The following MAP3K4 variants were observed in gnomAD, a reference collection of about 807,000 sequenced individuals.
MAP3K4 encodes the protein mitogen-activated protein kinase kinase kinase 4, also known as MAP three kinase 1.
In MAP3K4, 67 loss-of-function variants were observed where a neutral mutation model predicts 185.6. The ratio of observed to expected loss-of-function variants is 0.36; its 90% CI spans 0.30 to 0.44. The LOEUF (loss-of-function observed/expected upper bound fraction) is 0.44. Ranked by LOEUF, MAP3K4 falls within the 20% of genes least tolerant of loss-of-function variation. MAP3K4 has a pLI of 1.00. For synonymous variants in MAP3K4, 702 were observed against 710.4 expected, an observed-to-expected ratio of 0.99 and a Z score of 0.19; for missense variants, 1,551 against 1,995.1, an observed-to-expected ratio of 0.78 and a Z score of 4.24.
At chr6:161,020,495 T>G (rs931378088) in intron 1 of MAP3K4, among the ~76,000 whole-genome samples, 1 of 151,970 alleles carries the variant, frequency 6.6e-6, no homozygotes, top group African/African-American at 2.4e-5. Context: ...CCGTTTCTAC[T>G]AAAAATACAA....
intron 1 of MAP3K4, among the ~76,000 whole-genome samples, chr6:161,003,785 A>C (rs780932701): frequency 4.6e-5 from 7 of 152,198 alleles, no homozygotes; most frequent in Non-Finnish European, 7.3e-5. Context: ...ATTAATAAGG[A>C]TATTTGGTTG....
Position 161,109,083 on chromosome 6 carries a change from A to G in MAP3K4, c.4236+224A>G. 7.7e-7 allele frequency: 1 copy of G among 1,303,592 alleles called. No individual in the cohort carries two copies. Among genetic ancestry groups the G allele is most frequent in the Non-Finnish European group, 1.1e-6 (1 of 940,102 alleles). 80.8% of individuals were successfully genotyped at this position (1,303,592 alleles called of 1,614,324 possible). The stretch of plus-strand genomic sequence containing the variant: ...AGTCATTAACCCGACATCATAAAGC[A>G]CTGAAACCCATCCTGCCATTCAGAA... On this transcript the variant is annotated intron_variant, in intron 22 of 26. Transcript: ENST00000392142. The surrounding 1 kb of genome is among the most constrained non-coding windows in gnomAD (Gnocchi z 5.7).
intron 3 of MAP3K4, among the ~76,000 whole-genome samples, chr6:161,065,395 T>C (rs1468036499): frequency 2.6e-5 from 4 of 152,226 alleles, no homozygotes; most frequent in East Asian, 3.9e-4. Context: ...ATAACAGATA[T>C]GTGTTCCTGC....
intron 1 of MAP3K4, among the ~76,000 whole-genome samples, chr6:161,024,129 G>C (rs900899316): frequency 6.6e-6 from 1 of 151,974 alleles, no homozygotes; most frequent in African/African-American, 2.4e-5. Context: ...ACCAAACCTG[G>C]CTAATTCTTT....
rs888096819 is a variant in MAP3K4, at chr6:161,080,794, AC to A, written c.2098-84del. On this transcript the variant is annotated intron_variant, in intron 5 of 26. Coordinates refer to ENST00000392142, the MANE Select transcript of MAP3K4 (RefSeq NM_005922.4). The surrounding 1 kb of genome is among the most constrained non-coding windows in gnomAD (Gnocchi z 4.8). The stretch of plus-strand genomic sequence containing the variant: ...ACAGCCCCCGGCCCGCCCCCACTTT[AC>A]CCTGCTGATGTGTAGCTTTCAGGTG... 1 of 1,251,628 alleles carries A rather than the reference AC, an allele frequency of 8.0e-7. No homozygotes were observed. Among genetic ancestry groups the A allele is most frequent in the African/African-American group, 1.5e-5 (1 of 66,620 alleles). The allele number at this position is 1,251,628 out of a possible 1,614,324, so 77.5% of individuals were successfully genotyped here.
chr6:161,018,085 T>G (rs1350596767), intron 1 of MAP3K4, among the ~76,000 whole-genome samples: 2 of 152,170 alleles, frequency 1.3e-5, no homozygotes, highest in Non-Finnish European at 1.5e-5. Context: ...TACCCTGGCT[T>G]TTGCCTGGAA....
At position 161,037,085 on chromosome 6, in the gene MAP3K4, A is replaced by G. The variant is rs1402218351; in HGVS notation, c.343+2636A>G. The stretch of plus-strand genomic sequence containing the variant: ...TCACATGTATGCCAGCTGGTGAACT[A>G]TTTCTTGCGGACATTCTTGTTTATG... On this transcript the variant is annotated intron_variant, in intron 2 of 26. Transcript: ENST00000392142. The surrounding 1 kb of genome is among the most constrained non-coding windows in gnomAD (Gnocchi z 4.2). 4.6e-5 allele frequency among the ~76,000 whole-genome samples: 7 copies of G among 152,136 alleles called. No homozygotes were observed. Among genetic ancestry groups the G allele is most frequent in the Non-Finnish European group, 8.8e-5 (6 of 68,028 alleles).
rs760273396 is a variant in MAP3K4, at chr6:160,992,002, AGCCGCCGCCACC to A, written c.81_92del (p.Pro33_Pro36del). 24 of 1,537,274 alleles carry A rather than the reference AGCCGCCGCCACC, an allele frequency of 1.6e-5. No individual in the cohort carries two copies. Among genetic ancestry groups the A allele is most frequent in the South Asian group, 1.1e-4 (9 of 84,192 alleles). On this transcript the variant is annotated inframe_deletion, in exon 1 of 27. Coordinates refer to ENST00000392142, the MANE Select transcript of MAP3K4 (RefSeq NM_005922.4). ...GTCACGCCTGCCGCCGCCATGGAGGAGCCGCCGCCACCGCCGCCGCCGCCACCACCGCCACCG... is the reference window on the plus strand; with the variant it reads ...GTCACGCCTGCCGCCGCCATGGAGGAGCCGCCGCCGCCACCACCGCCACCG...
At chr6:160,993,217 AG>A (rs1285414471) in intron 1 of MAP3K4, among the ~76,000 whole-genome samples, 1 of 152,204 alleles carries the variant, frequency 6.6e-6, no homozygotes, top group Non-Finnish European at 1.5e-5. Flanking sequence ...GGTACTTCTA[AG>A]GAACAACTTC....
intron 2 of MAP3K4, among the ~76,000 whole-genome samples, chr6:161,035,287 A>G (rs1783113984): frequency 6.6e-6 from 1 of 152,008 alleles, no homozygotes; most frequent in Admixed American, 6.5e-5. Flanking sequence ...TGTCTGAGAA[A>G]TTTCTTCCTG....
chr6:161,090,060 C>G (rs970496014), intron 11 of MAP3K4, among the ~76,000 whole-genome samples: 1 of 152,162 alleles, frequency 6.6e-6, no homozygotes, highest in African/African-American at 2.4e-5. Context: ...TCAGTTATGT[C>G]TTCTCACTCA....
intron 1 of MAP3K4, among the ~76,000 whole-genome samples, chr6:161,009,866 G>A (rs1034664071): frequency 1.3e-5 from 2 of 152,090 alleles, no homozygotes; most frequent in African/African-American, 4.8e-5. Flanking sequence ...CCTGTCGGGG[G>A]AAGGAGGTGG....
chr6:161,049,690 A>C lies in MAP3K4; in HGVS notation c.1418A>C (p.Glu473Ala), dbSNP rs1583166748. ...EEQISDPRVP[E>A]IRQPIDNSFD... ...CAAATCTCTGATCCTAGGGTACCGG[A>C]AATCAGACAGCCCATAGATAACAGC... Residue 473 changes from glutamate (E) to alanine (A), a missense_variant, in exon 3 of 27, where the codon GAA (glutamate) becomes GCA (alanine). Glu to Ala is a moderately radical substitution (Grantham distance 107). Transcript: ENST00000392142. The surrounding 1 kb of genome is among the most constrained non-coding windows in gnomAD (Gnocchi z 8.4). 6.2e-6 allele frequency: 10 copies of C among 1,614,164 alleles called. No homozygotes were observed. The highest frequency in any genetic ancestry group is 3.3e-5 in the South Asian group (3 of 91,080).
Position 161,086,165 on chromosome 6 carries a change from T to G in MAP3K4, c.2373-214T>G, listed in dbSNP as rs1300197185. On this transcript the variant is annotated intron_variant, in intron 7 of 26. Coordinates refer to ENST00000392142, the MANE Select transcript of MAP3K4 (RefSeq NM_005922.4). The surrounding 1 kb of genome is among the most constrained non-coding windows in gnomAD (Gnocchi z 4.8). ...GTTATTAAATGTGCCCTGCTTACAT[T>G]GAAAGGATATGAATATTTTCTACAA... Among the ~76,000 whole-genome samples the G allele has an allele frequency of 6.6e-6, 1 of 152,220 alleles. No individual in the cohort carries two copies. The highest frequency in any genetic ancestry group is 2.4e-5 in the African/African-American group (1 of 41,456).
At position 161,048,611 on chromosome 6, in the gene MAP3K4, A is replaced by G; in HGVS notation, c.344-5A>G. The G allele has an allele frequency of 6.5e-7, 1 of 1,534,254 alleles. No homozygotes were observed. Among genetic ancestry groups the G allele is most frequent in the Middle Eastern group, 1.8e-4 (1 of 5,640 alleles). Reference sequence around the variant, plus strand: ...TAATGTTCTGTTTATTTTTTTTTTTAATAGAAAAAATGAATGCACCAAATC... The same window carrying G: ...TAATGTTCTGTTTATTTTTTTTTTTGATAGAAAAAATGAATGCACCAAATC... On this transcript the variant is annotated splice_polypyrimidine_tract_variant and splice_region_variant and intron_variant, in intron 2 of 26. Transcript: ENST00000392142. This position sits in a 1 kb window ranked among gnomAD's most constrained non-coding sequence, Gnocchi z 4.7.
intron 7 of MAP3K4, among the ~76,000 whole-genome samples, chr6:161,085,018 G>C (rs927912906): frequency 6.6e-6 from 1 of 152,010 alleles, no homozygotes. Flanking sequence ...GTGGTGGCAC[G>C]CACCCGTGAT....
In MAP3K4 at chr6:161,110,001, C is replaced by T; in HGVS notation, c.4396+87C>T. 2 of 1,374,786 alleles carry T rather than the reference C, an allele frequency of 1.5e-6. No homozygotes were observed. The highest frequency in any genetic ancestry group is 1.2e-5 in the South Asian group (1 of 82,254). 85.2% of individuals were successfully genotyped at this position (1,374,786 alleles called of 1,614,324 possible). ...TGCTCTGAAGACGCTCATCCCATTC[C>T]CACATATGATTTCTCTAGATGGAAA... is the stretch of plus-strand genomic sequence containing the variant. On this transcript the variant is annotated intron_variant, in intron 23 of 26. Coordinates refer to ENST00000392142, the MANE Select transcript of MAP3K4 (RefSeq NM_005922.4). This position sits in a 1 kb window ranked among gnomAD's most constrained non-coding sequence, Gnocchi z 4.8.
chr6:161,114,751 CTTT>C lies in MAP3K4; in HGVS notation c.4627-368_4627-366del, dbSNP rs1778515143. On this transcript the variant is annotated intron_variant, in intron 25 of 26. Transcript: ENST00000392142. This position sits in a 1 kb window ranked among gnomAD's most constrained non-coding sequence, Gnocchi z 4.3. ...CTATAAGAGAATTGGGTTTTATAGA[CTTT>C]TTTATGTCATTTTATATATTTTTTA... Among the ~76,000 whole-genome samples the C allele has an allele frequency of 6.6e-6, 1 of 152,030 alleles. No homozygotes were observed.
In MAP3K4 at chr6:161,037,138, G is replaced by GC. The variant is rs1253618979; in HGVS notation, c.343+2691dup. Among the ~76,000 whole-genome samples the GC allele has an allele frequency of 2.0e-5, 3 of 152,200 alleles. No individual in the cohort carries two copies. The highest frequency in any genetic ancestry group is 7.2e-5 in the African/African-American group (3 of 41,456). On this transcript the variant is annotated intron_variant, in intron 2 of 26. Transcript: ENST00000392142. This position sits in a 1 kb window ranked among gnomAD's most constrained non-coding sequence, Gnocchi z 4.2. Reference sequence around the variant, plus strand: ...TACCAAGACAAGGTGGAAATGGGACGCCAGTGGTAGACAAGTGGGCCATTT... The same window carrying GC: ...TACCAAGACAAGGTGGAAATGGGACGCCCAGTGGTAGACAAGTGGGCCATTT...
Sources: gnomAD v4.1 joint callset for allele counts (sites outside exome capture counted in the v4.1 genomes callset) on GRCh38, gnomAD v4.1.1 for gene constraint, Gnocchi (gnomAD v3.1) non-coding constraint, MANE v1.5 for transcripts, NCBI Gene and HGNC (gene_info 2026-07-23, HGNC 2026-07-21) for gene names.